The following PDE7B variants were observed in gnomAD, a reference collection of about 807,000 sequenced individuals.
The protein encoded by PDE7B is 3',5'-cyclic-AMP phosphodiesterase 7B.
In PDE7B, 29 loss-of-function variants were observed where a neutral mutation model predicts 56.2. The observed-to-expected ratio is 0.52, with a 90% confidence interval of 0.38 to 0.70. The LOEUF is 0.70. PDE7B is among the 30% of genes least tolerant of loss of function. The pLI is 0.00. For missense variants in PDE7B, 490 were observed against 565.0 expected (o/e 0.87, Z 1.35); for synonymous variants, 197 against 196.9 (o/e 1.00, Z 0.00).
chr6:135,889,833 A>G (rs1486863220), intron 1 of PDE7B, among the ~76,000 whole-genome samples: 1 of 137,282 alleles, frequency 7.3e-6, no homozygotes, highest in African/African-American at 2.8e-5. Flanking sequence ...GCTCACTGCA[A>G]CCTCTGCCTC....
At chr6:135,931,010 G>T (rs1774283774) in intron 1 of PDE7B, among the ~76,000 whole-genome samples, 1 of 152,188 alleles carries the variant, frequency 6.6e-6, no homozygotes, top group South Asian at 2.1e-4. Flanking sequence ...AACATCAGAT[G>T]TTAATAGGTT....
intron 4 of PDE7B, 23 bp downstream of exon 4, chr6:136,147,525 T>A (rs761108656): frequency 6.2e-7 from 1 of 1,610,486 alleles, no homozygotes. Flanking sequence ...CCCCATCTCC[T>A]CACAGCAGGC....
At chr6:136,014,906 G>A (rs747166271) in intron 2 of PDE7B, among the ~76,000 whole-genome samples, 20 of 152,234 alleles carry the variant, frequency 1.3e-4, no homozygotes, top group Non-Finnish European at 2.4e-4. Flanking sequence ...CCGATTGCAT[G>A]TGAGGAGCTG....
chr6:135,926,172 C>A (rs113779598), intron 1 of PDE7B, among the ~76,000 whole-genome samples: 1 of 149,942 alleles, frequency 6.7e-6, no homozygotes, highest in Non-Finnish European at 1.5e-5. Context: ...CTGCAAGCTC[C>A]GCCTCCTGGG....
chr6:135,962,513 C>T (rs918637528), intron 2 of PDE7B, among the ~76,000 whole-genome samples: 5 of 151,828 alleles, frequency 3.3e-5, no homozygotes, highest in Non-Finnish European at 4.4e-5. Context: ...TTATATTTTC[C>T]AAGTGTTCAA....
chr6:136,134,105 G>T (rs1468680265), intron 3 of PDE7B, among the ~76,000 whole-genome samples: 2 of 152,114 alleles, frequency 1.3e-5, no homozygotes, highest in Non-Finnish European at 2.9e-5. Flanking sequence ...TGTGCCTGAG[G>T]AACGAATCCG....
At chr6:136,088,916 A>G (rs1777337337) in intron 2 of PDE7B, among the ~76,000 whole-genome samples, 1 of 152,062 alleles carries the variant, frequency 6.6e-6, no homozygotes, top group South Asian at 2.1e-4. Context: ...AGCCAAGTAA[A>G]TTGAAGGAGC....
chr6:136,039,596 A>G lies in PDE7B; in HGVS notation c.83-69135A>G, dbSNP rs538612906. Among the ~76,000 whole-genome samples the G allele has an allele frequency of 4.6e-5, 7 of 152,358 alleles. No homozygotes were observed. In the South Asian group the frequency reaches 1.5e-3, roughly 32 times the overall value. ...GTTATGACTTAATAATCTGTAAAGA[A>G]TATTATTAAGAAGTTAATACTCTGG... is the stretch of plus-strand genomic sequence containing the variant. On this transcript the variant is annotated intron_variant, in intron 2 of 12. Coordinates refer to ENST00000308191, the MANE Select transcript of PDE7B (RefSeq NM_018945.4).
intron 1 of PDE7B, among the ~76,000 whole-genome samples, chr6:135,906,724 G>A (rs1253808545): frequency 2.7e-5 from 4 of 149,772 alleles, no homozygotes; most frequent in Admixed American, 6.7e-5. Context: ...TACTTATATA[G>A]TGTCCTGATG....
chr6:136,076,954 C>T (rs1777136489), intron 2 of PDE7B, among the ~76,000 whole-genome samples: 1 of 152,146 alleles, frequency 6.6e-6, no homozygotes, highest in Admixed American at 6.5e-5. Context: ...CAAAATGTCT[C>T]TCTCGACCCC....
intron 1 of PDE7B, among the ~76,000 whole-genome samples, chr6:135,901,439 G>A (rs9494412): frequency 0.14 from 21,433 of 151,994 alleles, 1,560 homozygotes; most frequent in Non-Finnish European, 0.16. Context: ...TTTTCAATAG[G>A]CGGAAAGCCA....
intron 5 of PDE7B, 79 bp downstream of exon 5, chr6:136,149,229 T>A: frequency 1.1e-6 from 1 of 906,210 alleles, no homozygotes; most frequent in Admixed American, 1.8e-5. Flanking sequence ...AATTTATTTT[T>A]AAACACTGCT....
Position 135,987,834 on chromosome 6 carries a change from CACACACAT to C in PDE7B, c.82+40318_82+40325del, listed in dbSNP as rs199832533. Among the ~76,000 whole-genome samples the C allele has an allele frequency of 1.6e-3, 244 of 151,172 alleles. 1 individual carries two copies. The East Asian group carries it at 0.028, about 17-fold the overall frequency. Reference sequence around the variant, plus strand: ...AGGAAGCAAATAATAAAGACACACACACACACATACACACACACACATATATAATCACC... The same window carrying C: ...AGGAAGCAAATAATAAAGACACACACACACACACACACATATATAATCACC... On this transcript the variant is annotated intron_variant, in intron 2 of 12. Transcript: ENST00000308191.
chr6:136,082,058 C>A (rs567925597), intron 2 of PDE7B, among the ~76,000 whole-genome samples: 6 of 152,132 alleles, frequency 3.9e-5, no homozygotes, highest in Non-Finnish European at 7.3e-5. Context: ...GGTGGGAGGC[C>A]CACACTCTGA....
At chr6:136,035,946 T>C (rs1263334772) in intron 2 of PDE7B, among the ~76,000 whole-genome samples, 2 of 152,240 alleles carry the variant, frequency 1.3e-5, no homozygotes, top group African/African-American at 4.8e-5. Context: ...GGTCAGGATA[T>C]CCTGATGCTA....
At chr6:136,049,892 G>C (rs1482390824) in intron 2 of PDE7B, among the ~76,000 whole-genome samples, 1 of 152,056 alleles carries the variant, frequency 6.6e-6, no homozygotes, top group Non-Finnish European at 1.5e-5. Flanking sequence ...ACTTTCACTT[G>C]AATTTTTTAA....
intron 1 of PDE7B, among the ~76,000 whole-genome samples, chr6:135,857,280 T>C (rs1359553779): frequency 6.6e-6 from 1 of 152,142 alleles, no homozygotes; most frequent in Non-Finnish European, 1.5e-5. Flanking sequence ...TTTTTCTTAT[T>C]AATACCTTCT....
At chr6:136,052,961 G>T (rs1402480564) in intron 2 of PDE7B, among the ~76,000 whole-genome samples, 1 of 151,990 alleles carries the variant, frequency 6.6e-6, no homozygotes, top group Non-Finnish European at 1.5e-5. Flanking sequence ...GCACAAGCTG[G>T]GTCCTATCCC....
At chr6:136,081,637 AAAAC>A (rs1465936136) in intron 2 of PDE7B, among the ~76,000 whole-genome samples, 1 of 152,208 alleles carries the variant, frequency 6.6e-6, no homozygotes, top group Non-Finnish European at 1.5e-5. Flanking sequence ...TGACTCTTTC[AAAAC>A]AAACAGATAG....
Sources: allele counts gnomAD v4.1 joint callset (sites outside exome capture counted in the v4.1 genomes callset), GRCh38; gene constraint gnomAD v4.1.1; transcripts MANE v1.5; gene names NCBI Gene and HGNC (gene_info 2026-07-23, HGNC 2026-07-21).